The following CYP46A1 variants were observed in gnomAD, a reference collection of about 807,000 sequenced individuals.
CYP46A1 encodes the protein cholesterol 24-hydroxylase.
CYP46A1 carries 20 observed loss-of-function variants against 63.3 expected under a neutral mutation model. That is an observed-to-expected ratio of 0.32 (90% CI 0.22 to 0.46). The LOEUF (loss-of-function observed/expected upper bound fraction) is 0.46. CYP46A1 is among the 20% of genes least tolerant of loss of function. The pLI, the probability that CYP46A1 is intolerant of heterozygous loss-of-function variation, is 1.00. For synonymous variants in CYP46A1, 268 were observed against 273.6 expected, an observed-to-expected ratio of 0.98 and a Z score of 0.20; for missense variants, 445 against 670.8, an observed-to-expected ratio of 0.66 and a Z score of 3.72.
At chr14:99,696,709 G>C (rs1370924620) in intron 3 of CYP46A1, among the ~76,000 whole-genome samples, 1 of 152,162 alleles carries the variant, frequency 6.6e-6, no homozygotes, top group African/African-American at 2.4e-5. Context: ...TTGTCTGCTA[G>C]TTCTATCATT....
At chr14:99,706,445 A>T (rs971675565) in intron 5 of CYP46A1, 10 of 590,710 alleles carry the variant, frequency 1.7e-5, no homozygotes, top group African/African-American at 1.7e-4. Context: ...TCCTGAGTGG[A>T]GGAGAATGGT....
At chr14:99,694,092 G>A (rs983267208) in intron 3 of CYP46A1, among the ~76,000 whole-genome samples, 8 of 149,826 alleles carry the variant, frequency 5.3e-5, no homozygotes, top group Non-Finnish European at 1.0e-4. Context: ...TTGTCCTTTC[G>A]CATCTGACTT....
intron 5 of CYP46A1, 21 bp downstream of exon 5, chr14:99,700,122 C>T (rs376737456): frequency 2.5e-5 from 40 of 1,574,542 alleles, no homozygotes; most frequent in East Asian, 6.8e-5. Flanking sequence ...CCGGAGGCTC[C>T]GTGGCTCCTG....
chr14:99,706,240 C>CCAGGG, intron 5 of CYP46A1: 1 of 162,974 alleles, frequency 6.1e-6, no homozygotes, highest in South Asian at 1.8e-4. Context: ...CAGCTGGTGC[C>CCAGGG]CAGGGCAGGG....
At chr14:99,685,428 AC>A (rs2056485626) in intron 1 of CYP46A1, among the ~76,000 whole-genome samples, 2 of 148,478 alleles carry the variant, frequency 1.3e-5, no homozygotes, top group South Asian at 4.4e-4. Flanking sequence ...TGTAAAGACC[AC>A]CCAGCCCCAG....
chr14:99,719,608 G>A (rs1189717161), intron 10 of CYP46A1, among the ~76,000 whole-genome samples: 2 of 151,724 alleles, frequency 1.3e-5, no homozygotes, highest in African/African-American at 4.9e-5. Flanking sequence ...TTCCACTTCT[G>A]TCTCTGTGTG....
intron 10 of CYP46A1, among the ~76,000 whole-genome samples, chr14:99,718,862 G>A (rs114280725): frequency 0.025 from 3,792 of 152,130 alleles, 161 homozygotes; most frequent in African/African-American, 0.086. Context: ...TAAGCATTTC[G>A]TATAAAAATT....
Position 99,725,345 on chromosome 14 carries a change from G to A in CYP46A1, c.1177-46G>A. On this transcript the variant is annotated intron_variant, in intron 12 of 14. Coordinates refer to ENST00000261835, the MANE Select transcript of CYP46A1 (RefSeq NM_006668.2). This position sits in a 1 kb window ranked among gnomAD's most constrained non-coding sequence, Gnocchi z 4.2. ...GGCCTCAGTGGCTCAAGAGGTGCCA[G>A]GGGAACAACCTGGGAACCAGAGATG... 1 of 1,559,232 alleles carries A rather than the reference G, an allele frequency of 6.4e-7. No individual in the cohort carries two copies. Among genetic ancestry groups the A allele is most frequent in the Non-Finnish European group, 8.8e-7 (1 of 1,130,882 alleles).
intron 13 of CYP46A1, 24 bp from the exon 14 acceptor site, chr14:99,726,166 C>T (rs780207874): frequency 2.3e-5 from 37 of 1,609,892 alleles, no homozygotes; most frequent in South Asian, 1.6e-4. Flanking sequence ...CTGCTGGCCT[C>T]GTGATTCCTC....
rs2056856216 is a variant in CYP46A1, at chr14:99,722,452, C to T, written c.1176+386C>T. On this transcript the variant is annotated intron_variant, in intron 12 of 14. Coordinates refer to ENST00000261835, the MANE Select transcript of CYP46A1 (RefSeq NM_006668.2). The surrounding 1 kb of genome is among the most constrained non-coding windows in gnomAD (Gnocchi z 4.6). ...CCTCACGTTTTACAGCCCTTTCTCT[C>T]TCGGCTTTCTCCCCAGACCTCCTTT... Among the ~76,000 whole-genome samples the T allele has an allele frequency of 6.6e-6, 1 of 152,178 alleles. No homozygotes were observed. Among genetic ancestry groups the T allele is most frequent in the Non-Finnish European group, 1.5e-5 (1 of 68,046 alleles).
chr14:99,715,347 TGAAGAAG>T (rs552436171), intron 7 of CYP46A1, among the ~76,000 whole-genome samples: 35 of 152,264 alleles, frequency 2.3e-4, no homozygotes, highest in African/African-American at 8.4e-4. Context: ...ATTCCAGTCA[TGAAGAAG>T]GAAGAAAGGG....
intron 12 of CYP46A1, among the ~76,000 whole-genome samples, chr14:99,724,874 AC>A (rs2056881286): frequency 1.3e-5 from 2 of 152,158 alleles, no homozygotes; most frequent in South Asian, 4.1e-4. Flanking sequence ...CGTCAGCCCC[AC>A]TCAGGAGGCA....
At chr14:99,691,722 TGGTGATGGTCATACCTCA>T in intron 2 of CYP46A1, 40 bp from the exon 3 acceptor site, 1 of 1,517,470 alleles carries the variant, frequency 6.6e-7, no homozygotes, top group Non-Finnish European at 9.2e-7. Context: ...TGGGCGGGGT[TGGTGATGGTCATACCTCA>T]GGTGGTTGAC....
chr14:99,726,832 C>T lies in CYP46A1; in HGVS notation c.*105C>T, dbSNP rs778103184. 2 of 974,108 alleles carry T rather than the reference C, an allele frequency of 2.1e-6. No individual in the cohort carries two copies. The highest frequency in any genetic ancestry group is 2.9e-5 in the East Asian group (1 of 34,198). 60.3% of individuals were successfully genotyped at this position (974,108 alleles called of 1,614,324 possible). A position where few individuals can be genotyped will look rare whatever the true frequency, so the allele number is the denominator to read the frequency against. On this transcript the variant is annotated 3_prime_UTR_variant, in exon 15 of 15. Transcript: ENST00000261835. ...CTCCCCTGCCCCGTCCCCTGGGCCA[C>T]CCTTCACGCTGGCTTCCAGCGGGCC...
chr14:99,708,258 C>T (rs900968916), intron 7 of CYP46A1: 4 of 202,794 alleles, frequency 2.0e-5, no homozygotes, highest in Non-Finnish European at 3.0e-5. Flanking sequence ...GCCCCACTTG[C>T]CGACACTGGC....
rs1017866058 is a variant in CYP46A1 at position 99,725,200 on chromosome 14, C to T, written c.1177-191C>T. On this transcript the variant is annotated intron_variant, in intron 12 of 14. Transcript: ENST00000261835. This position sits in a 1 kb window ranked among gnomAD's most constrained non-coding sequence, Gnocchi z 4.2. ...CCCAGCTGGCACAGTCAACTGTCCC[C>T]GCTCTTCCTCTTAAGGGATTTTCTA... Among the ~76,000 whole-genome samples the T allele has an allele frequency of 5.3e-5, 8 of 152,066 alleles. No individual in the cohort carries two copies. The highest frequency in any genetic ancestry group is 1.5e-4 in the African/African-American group (6 of 41,376).
In CYP46A1 at chr14:99,719,005, G is replaced by C. The variant is rs780468713; in HGVS notation, c.980+879G>C. On this transcript the variant is annotated intron_variant, in intron 10 of 14. Transcript: ENST00000261835. ...TCACCTACGCATGAGCAGCTTTGCC[G>C]TGTTTTTTGTCACCTGGTTGCACAG... 2.0e-5 allele frequency among the ~76,000 whole-genome samples: 3 copies of C among 151,920 alleles called. No individual in the cohort carries two copies. The East Asian group carries it at 5.8e-4, about 29-fold the overall frequency.
In CYP46A1 at chr14:99,725,572, C is replaced by A. The variant is rs1185928699; in HGVS notation, c.1265+93C>A. ...TCTGAGCCAGAGGCACCCACTCAGC[C>A]CACATAGCCTTCCAGATCCCTGTGA... is the stretch of plus-strand genomic sequence containing the variant. On this transcript the variant is annotated intron_variant, in intron 13 of 14. Transcript: ENST00000261835. This position sits in a 1 kb window ranked among gnomAD's most constrained non-coding sequence, Gnocchi z 4.2. 1.1e-6 allele frequency: 1 copy of A among 870,112 alleles called. No individual in the cohort carries two copies. Among genetic ancestry groups the A allele is most frequent in the Non-Finnish European group, 1.9e-6 (1 of 523,140 alleles). 53.9% of individuals were successfully genotyped at this position (870,112 alleles called of 1,614,324 possible). A position where few individuals can be genotyped will look rare whatever the true frequency, so the allele number is the denominator to read the frequency against.
At position 99,720,311 on chromosome 14, in the gene CYP46A1, A is replaced by G. The variant is rs568062115; in HGVS notation, c.981-928A>G. On this transcript the variant is annotated intron_variant, in intron 10 of 14. Transcript: ENST00000261835. ...ATTTTTAATTTTTTGAAGAATCACC[A>G]TACCGTTTTCCATAACGGCTGAACC... is the stretch of plus-strand genomic sequence containing the variant. Among the ~76,000 whole-genome samples, 7 of 152,312 alleles carry G rather than the reference A, an allele frequency of 4.6e-5. No homozygotes were observed. The South Asian group carries it at 1.0e-3, about 23-fold the overall frequency.
Sources: allele counts gnomAD v4.1 joint callset (sites outside exome capture counted in the v4.1 genomes callset), GRCh38; gene constraint gnomAD v4.1.1; non-coding constraint Gnocchi (gnomAD v3.1); transcripts MANE v1.5; gene names NCBI Gene and HGNC (gene_info 2026-07-23, HGNC 2026-07-21).